ETV7: variants seen among roughly 807,000 people sequenced by gnomAD.
The protein encoded by ETV7 is ETS variant transcription factor 7.
Under a neutral mutation model 39.1 loss-of-function variants are expected in ETV7, and 43 were observed. The observed-to-expected ratio is 1.10, with a 90% confidence interval of 0.86 to 1.42. The LOEUF is 1.42. Among genes scored for constraint, ETV7 ranks in the 40% most tolerant of loss-of-function variants. ETV7 has a pLI of 0.00. For synonymous variants in ETV7, 196 were observed against 176.6 expected, an observed-to-expected ratio of 1.11 and a Z score of -0.87; for missense variants, 432 against 442.3, an observed-to-expected ratio of 0.98 and a Z score of 0.21.
At chr6:36,366,098 C>A, downstream of ETV7, 1 of 744,142 alleles carries the variant, frequency 1.3e-6, no homozygotes, top group Non-Finnish European at 1.6e-6. Context: ...CTCTTGAACC[C>A]AGGAGGCGGA....
chr6:36,387,609 C>A lies in ETV7; in HGVS notation c.-68G>T, dbSNP rs1196437253. ...GCTCCCCTGGCTGTGGCTGCTGGGGCCCTAGGCCCGCGCCCCGCAGTCCTC... is the reference window on the plus strand; with the variant it reads ...GCTCCCCTGGCTGTGGCTGCTGGGGACCTAGGCCCGCGCCCCGCAGTCCTC... On this transcript the variant is annotated 5_prime_UTR_variant, in exon 1 of 8. Coordinates refer to ENST00000340181, the MANE Select transcript of ETV7 (RefSeq NM_016135.4). The A allele has an allele frequency of 3.2e-6, 5 of 1,584,408 alleles. No homozygotes were observed. Among genetic ancestry groups the A allele is most frequent in the Non-Finnish European group, 4.3e-6 (5 of 1,157,014 alleles).
chr6:36,372,783 G>A (rs945993830), intron 4 of ETV7, among the ~76,000 whole-genome samples: 2 of 146,102 alleles, frequency 1.4e-5, no homozygotes, highest in African/African-American at 5.1e-5. Flanking sequence ...CCCAGTGGAG[G>A]GGTGGGGCAG....
intron 6 of ETV7, among the ~76,000 whole-genome samples, chr6:36,367,509 G>A (rs1416370013): frequency 6.6e-6 from 1 of 151,982 alleles, no homozygotes; most frequent in African/African-American, 2.4e-5. Context: ...ATGATGGAAA[G>A]GTTCTCCTGC....
chr6:36,364,577 C>T (rs1003359651), downstream of ETV7, among the ~76,000 whole-genome samples: 13 of 152,340 alleles, frequency 8.5e-5, no homozygotes, highest in Admixed American at 7.2e-4. Flanking sequence ...GGCCCGCAAG[C>T]GCCGCGCACA....
intron 7 of ETV7, among the ~76,000 whole-genome samples, chr6:36,361,111 T>TA (rs1772477077): frequency 1.3e-5 from 2 of 152,164 alleles, no homozygotes; most frequent in African/African-American, 2.4e-5. Flanking sequence ...TTCGGGACTT[T>TA]AAAAAAATCA....
downstream of ETV7, among the ~76,000 whole-genome samples, chr6:36,363,345 C>A (rs974215077): frequency 3.3e-5 from 5 of 151,620 alleles, no homozygotes; most frequent in Non-Finnish European, 7.4e-5. Flanking sequence ...TGTTACAGCC[C>A]TTAAGGCACC....
In ETV7 at chr6:36,375,924, C is replaced by G. The variant is rs146389206; in HGVS notation, c.254G>C (p.Arg85Pro). ...GTCCTTGGTGAGGATGCAGAGGGCG[C>G]GTCCGTTCATCTCGAACCCGTGCTC... ...TAEHGFEMNG[R>P]ALCILTKDDF... Residue 85 changes from arginine to proline, a missense_variant, in exon 3 of 8, where the codon CGC becomes CCC. By Grantham distance (103) the Arg-to-Pro change is moderately radical. Coordinates refer to ENST00000340181, the MANE Select transcript of ETV7 (RefSeq NM_016135.4). The G allele has an allele frequency of 1.2e-6, 2 of 1,613,900 alleles. No homozygotes were observed. Among genetic ancestry groups the G allele is most frequent in the Non-Finnish European group, 1.7e-6 (2 of 1,180,044 alleles).
chr6:36,360,109 T>G (rs1772447787), intron 7 of ETV7, among the ~76,000 whole-genome samples: 1 of 152,182 alleles, frequency 6.6e-6, no homozygotes. Context: ...GCCAGGATGG[T>G]CTCGATTTCT....
At chr6:36,365,570 C>CCCCACACTT (rs1772682542), downstream of ETV7, among the ~76,000 whole-genome samples, 3 of 152,066 alleles carry the variant, frequency 2.0e-5, no homozygotes, top group South Asian at 6.2e-4. Context: ...AGTGTGGGGA[C>CCCCACACTT]GGGGGCCAGT....
chr6:36,376,205 T>C lies in ETV7; in HGVS notation c.143-170A>G, dbSNP rs16888226. Among the ~76,000 whole-genome samples the C allele has an allele frequency of 6.6e-3, 1,006 of 152,326 alleles. 6 individuals carry two copies. Among genetic ancestry groups the C allele is most frequent in the African/African-American group, 0.022 (932 of 41,542 alleles). On this transcript the variant is annotated intron_variant, in intron 2 of 7. Coordinates refer to ENST00000340181, the MANE Select transcript of ETV7 (RefSeq NM_016135.4). ...TCCTAGCATGTTACGTTCTTTGTAA[T>C]TACATTTTACATTGGATAGAATTAT...
rs968567682 is a variant in ETV7 at position 36,368,941 on chromosome 6, C to T, written c.795G>A (p.Trp265Ter). The T allele has an allele frequency of 3.7e-6, 6 of 1,614,026 alleles. No individual in the cohort carries two copies. Among genetic ancestry groups the T allele is most frequent in the Non-Finnish European group, 5.1e-6 (6 of 1,180,026 alleles). The change falls in exon 6 of 8, where the codon TGG becomes TGA. Residue 265 changes from tryptophan (W) to a stop codon, truncating the protein, a stop_gained. Coordinates refer to ENST00000340181, the MANE Select transcript of ETV7 (RefSeq NM_016135.4). LOFTEE classifies it high-confidence loss of function. ...GGCCGAGGCTCACCTTGTGATTTCC[C>T]CAGAGTCTGGCGAGCCCATTTGGAT... ...VVDPNGLARL[W>*]GNHKNRVNMT...
intron 2 of ETV7, among the ~76,000 whole-genome samples, chr6:36,377,237 G>C (rs1417209769): frequency 3.3e-5 from 5 of 152,202 alleles, no homozygotes; most frequent in African/African-American, 4.8e-5. Context: ...AAAGTGGGCA[G>C]ATCACTTGAG....
intron 7 of ETV7, among the ~76,000 whole-genome samples, chr6:36,360,965 G>T (rs1772472808): frequency 6.6e-6 from 1 of 152,170 alleles, no homozygotes; most frequent in Non-Finnish European, 1.5e-5. Flanking sequence ...TCTCCCTGGG[G>T]ACTGCAATGG....
chr6:36,375,125 G>A (rs1227885549), intron 3 of ETV7, among the ~76,000 whole-genome samples: 1 of 151,880 alleles, frequency 6.6e-6, no homozygotes, highest in Non-Finnish European at 1.5e-5. Flanking sequence ...TATGTGTTAG[G>A]TATAAACAGG....
chr6:36,381,303 C>A (rs951366266), intron 2 of ETV7, among the ~76,000 whole-genome samples: 8 of 152,202 alleles, frequency 5.3e-5, no homozygotes, highest in Non-Finnish European at 1.2e-4. Flanking sequence ...CAAATCCCAG[C>A]TCCACCATTT....
chr6:36,356,917 C>G (rs1582156718), intron 7 of ETV7, among the ~76,000 whole-genome samples: 1 of 152,154 alleles, frequency 6.6e-6, no homozygotes, highest in South Asian at 2.1e-4. Flanking sequence ...CCATCACCAC[C>G]CGTGAAAACA....
Position 36,376,000 on chromosome 6 carries a change from G to T in ETV7, c.178C>A (p.Leu60Met), listed in dbSNP as rs768692114. 6.2e-7 allele frequency: 1 copy of T among 1,609,716 alleles called. No individual in the cohort carries two copies. The highest frequency in any genetic ancestry group is 1.3e-5 in the African/African-American group (1 of 75,062). The change falls in exon 3 of 8, where the codon CTG becomes ATG. Residue 60 changes from leucine to methionine, a missense_variant. Coordinates refer to ENST00000340181, the MANE Select transcript of ETV7 (RefSeq NM_016135.4). ...QPALWSREDV[L>M]HWLRWAEQEY... is the part of the protein sequence containing the mutation. Reference sequence around the variant, plus strand: ...TGCTCTGCCCAGCGCAGCCAGTGCAGCACGTCCTCCCTGCTCCACAGTGCG... The same window carrying T: ...TGCTCTGCCCAGCGCAGCCAGTGCATCACGTCCTCCCTGCTCCACAGTGCG...
downstream of ETV7, among the ~76,000 whole-genome samples, chr6:36,362,447 C>CA (rs944234365): frequency 1.3e-5 from 2 of 151,880 alleles, no homozygotes; most frequent in African/African-American, 4.8e-5. Context: ...TGAGTGACAG[C>CA]AAAACACCTC....
At chr6:36,362,907 G>A (rs116220249), downstream of ETV7, among the ~76,000 whole-genome samples, 368 of 152,348 alleles carry the variant, frequency 2.4e-3, no homozygotes, top group African/African-American at 8.5e-3. Context: ...ACTGGAAGAA[G>A]TGATCTAGGA....
Sources: gnomAD v4.1 joint callset for allele counts (sites outside exome capture counted in the v4.1 genomes callset) on GRCh38, gnomAD v4.1.1 for gene constraint, MANE v1.5 for transcripts, NCBI Gene and HGNC (gene_info 2026-07-23, HGNC 2026-07-21) for gene names.